Variants in AFF3 observed in about 807,000 individuals in gnomAD.
AFF3 encodes the protein AF4/FMR2 family member 3.
A neutral mutation model predicts 129.7 loss-of-function variants in AFF3; 32 were observed. The ratio of observed to expected loss-of-function variants is 0.25; its 90% CI spans 0.19 to 0.33. The LOEUF is 0.33. AFF3 is among the 10% of genes least tolerant of loss of function. The pLI is 1.00. For synonymous variants in AFF3, 644 were observed against 635.4 expected, an observed-to-expected ratio of 1.01 and a Z score of -0.20; for missense variants, 1,373 against 1,592.0, an observed-to-expected ratio of 0.86 and a Z score of 2.34.
At chr2:99,776,875 C>A (rs62150113) in intron 8 of AFF3, among the ~76,000 whole-genome samples, 1,675 of 152,296 alleles carry the variant, frequency 0.011, 7 homozygotes, top group Non-Finnish European at 0.017. Context: ...AATCAGACCA[C>A]CATCAGCACC....
chr2:99,720,409 G>T (rs529280079), intron 11 of AFF3, among the ~76,000 whole-genome samples: 1 of 152,222 alleles, frequency 6.6e-6, no homozygotes, highest in South Asian at 2.1e-4. Context: ...CATCTCTTAG[G>T]TTTCCCTCTT....
intron 7 of AFF3, among the ~76,000 whole-genome samples, chr2:99,978,842 C>T (rs1291274405): frequency 6.6e-6 from 1 of 152,204 alleles, no homozygotes; most frequent in East Asian, 1.9e-4. Context: ...GATAACGAAT[C>T]TGCCACCACC....
chr2:100,025,252 A>T (rs1158353913), intron 4 of AFF3, among the ~76,000 whole-genome samples: 2 of 152,078 alleles, frequency 1.3e-5, no homozygotes, highest in African/African-American at 2.4e-5. Flanking sequence ...ATACACCAAC[A>T]GCCACCAAGC....
At chr2:100,058,766 T>C (rs768719185) in intron 4 of AFF3, among the ~76,000 whole-genome samples, 2 of 152,180 alleles carry the variant, frequency 1.3e-5, no homozygotes, top group African/African-American at 2.4e-5. Flanking sequence ...CAAAACCTTC[T>C]TAGATATGAC....
At chr2:99,822,249 T>G (rs530454093) in intron 8 of AFF3, among the ~76,000 whole-genome samples, 12 of 150,132 alleles carry the variant, frequency 8.0e-5, no homozygotes, top group Admixed American at 2.7e-4. Flanking sequence ...CATCATTTTT[T>G]GGGGATAAGA....
chr2:99,560,231 C>G, intron 21 of AFF3, 134 bp downstream of exon 21: 1 of 914,292 alleles, frequency 1.1e-6, no homozygotes, highest in Non-Finnish European at 1.7e-6. Context: ...CTGGACTTTC[C>G]CTGGTCATTA....
In AFF3 at chr2:99,568,903, G is replaced by A. The variant is rs775770145; in HGVS notation, c.2931C>T (p.Ala977=). The stretch of plus-strand genomic sequence containing the variant: ...GTTTAGCTTCTTGCATAAAATAATC[G>A]GCACTGCGAGGCCTACAAGGAGAGA... ...KLVFDDMPRS[A]DYFMQEAKRM... is the part of the protein sequence containing the mutation. Residue 977 remains alanine (A), a synonymous_variant, in exon 19 of 25, where the codon GCC becomes GCT. Transcript: ENST00000672756. The A allele has an allele frequency of 1.2e-5, 20 of 1,613,814 alleles. No homozygotes were observed. Among genetic ancestry groups the A allele is most frequent in the Admixed American group, 1.7e-5 (1 of 59,980 alleles).
At chr2:99,575,940 G>A (rs1281106281) in intron 18 of AFF3, among the ~76,000 whole-genome samples, 1 of 152,136 alleles carries the variant, frequency 6.6e-6, no homozygotes, top group African/African-American at 2.4e-5. Flanking sequence ...GCCAGCCACG[G>A]TGGCTCACGC....
At chr2:100,109,013 T>C (rs574671903) in intron 2 of AFF3, among the ~76,000 whole-genome samples, 9 of 144,900 alleles carry the variant, frequency 6.2e-5, no homozygotes, top group Admixed American at 2.1e-4. Context: ...AATTCACTTA[T>C]ATAGTCACTA....
chr2:99,872,848 TAAGTTA>T (rs1691989510), intron 7 of AFF3, among the ~76,000 whole-genome samples: 2 of 152,158 alleles, frequency 1.3e-5, no homozygotes, highest in African/African-American at 4.8e-5. Flanking sequence ...TTTAAGTATT[TAAGTTA>T]AAGTAGTTGT....
rs747884491 is a variant in AFF3, at chr2:100,007,025, G to GGAA, written c.488-11_488-9dup. On this transcript the variant is annotated splice_polypyrimidine_tract_variant and intron_variant, in intron 6 of 24. Coordinates refer to ENST00000672756, the MANE Select transcript of AFF3 (RefSeq NM_001386135.1). Reference sequence around the variant, plus strand: ...TGAGAGAGCCCTGTTGTGCTGAGTTGGAAGAAGAAGAAGAGGAAGATAAGG... The same window carrying GGAA: ...TGAGAGAGCCCTGTTGTGCTGAGTTGGAAGAAGAAGAAGAAGAGGAAGATAAGG... The GGAA allele has an allele frequency of 8.8e-6, 14 of 1,599,152 alleles. No homozygotes were observed. Among genetic ancestry groups the GGAA allele is most frequent in the Non-Finnish European group, 1.2e-5 (14 of 1,171,620 alleles).
chr2:99,818,925 T>C (rs1056690473), intron 8 of AFF3, among the ~76,000 whole-genome samples: 2 of 152,148 alleles, frequency 1.3e-5, no homozygotes, highest in Non-Finnish European at 2.9e-5. Flanking sequence ...TAAATGAACA[T>C]AAACTGACAA....
intron 15 of AFF3, among the ~76,000 whole-genome samples, chr2:99,590,266 G>A (rs1222010690): frequency 6.6e-6 from 1 of 152,248 alleles, no homozygotes; most frequent in African/African-American, 2.4e-5. Context: ...ACAGGAAGTG[G>A]GAGGCTGCCT....
intron 12 of AFF3, among the ~76,000 whole-genome samples, chr2:99,665,073 G>T (rs1686557730): frequency 6.6e-6 from 1 of 152,246 alleles, no homozygotes; most frequent in Admixed American, 6.5e-5. Flanking sequence ...GCTTCCTGCA[G>T]GAGCTGGGAG....
At chr2:100,084,439 C>CA (rs1353835264) in intron 4 of AFF3, among the ~76,000 whole-genome samples, 2 of 152,196 alleles carry the variant, frequency 1.3e-5, no homozygotes, top group African/African-American at 4.8e-5. Flanking sequence ...GATCAGAACT[C>CA]AGACTATCTG....
At chr2:99,784,682 G>A (rs1175538824) in intron 8 of AFF3, among the ~76,000 whole-genome samples, 1 of 152,164 alleles carries the variant, frequency 6.6e-6, no homozygotes. Flanking sequence ...CAGGCATTTC[G>A]CTGCAAGAGC....
intron 12 of AFF3, among the ~76,000 whole-genome samples, chr2:99,654,548 G>A (rs1272922538): frequency 6.6e-6 from 1 of 152,178 alleles, no homozygotes; most frequent in Non-Finnish European, 1.5e-5. Context: ...TAGATGAATT[G>A]CCCAATTTCA....
intron 13 of AFF3, among the ~76,000 whole-genome samples, chr2:99,635,170 A>G (rs1033319083): frequency 6.6e-6 from 1 of 151,776 alleles, no homozygotes; most frequent in Non-Finnish European, 1.5e-5. Context: ...ATATATACAC[A>G]TATCTCTATA....
chr2:99,565,626 G>A lies in AFF3; in HGVS notation c.2983-3C>T. The A allele has an allele frequency of 6.2e-7, 1 of 1,613,586 alleles. No homozygotes were observed. Among genetic ancestry groups the A allele is most frequent in the East Asian group, 2.2e-5 (1 of 44,848 alleles). On this transcript the variant is annotated splice_polypyrimidine_tract_variant and splice_region_variant and intron_variant, in intron 19 of 24. Coordinates refer to ENST00000672756, the MANE Select transcript of AFF3 (RefSeq NM_001386135.1). ...AAAGCCTTTCCAAACTTTTCCACCT[G>A]ATCAACAGAGTTAATACAGTGTCTT...
Sources: gnomAD v4.1 joint callset for allele counts (sites outside exome capture counted in the v4.1 genomes callset) on GRCh38, gnomAD v4.1.1 for gene constraint, MANE v1.5 for transcripts, NCBI Gene and HGNC (gene_info 2026-07-23, HGNC 2026-07-21) for gene names.